NRG3: variants seen among roughly 807,000 people sequenced by gnomAD.
The protein encoded by NRG3 is pro-neuregulin-3, membrane-bound isoform.
Under a neutral mutation model 66.9 loss-of-function variants are expected in NRG3, and 31 were observed. That is an observed-to-expected ratio of 0.46 (90% CI 0.35 to 0.63). NRG3 has a LOEUF of 0.63. NRG3 is among the 20% of genes least tolerant of loss of function. The pLI is 0.00. For missense variants in NRG3, 910 were observed against 878.9 expected (o/e 1.04, Z -0.45); for synonymous variants, 393 against 359.4 (o/e 1.09, Z -1.06).
At chr10:82,067,846 C>T (rs554120820) in intron 1 of NRG3, among the ~76,000 whole-genome samples, 2 of 152,194 alleles carry the variant, frequency 1.3e-5, no homozygotes, top group South Asian at 2.1e-4. Flanking sequence ...TAGCACTTTG[C>T]GAGTTTCACT....
intron 1 of NRG3, among the ~76,000 whole-genome samples, chr10:81,965,627 C>G (rs1043272615): frequency 3.9e-5 from 6 of 152,078 alleles, no homozygotes; most frequent in South Asian, 2.1e-4. Context: ...TGTCCTTGCT[C>G]ATTATTAGAT....
At chr10:82,822,437 G>C (rs909415263) in intron 3 of NRG3, among the ~76,000 whole-genome samples, 2 of 152,102 alleles carry the variant, frequency 1.3e-5, no homozygotes, top group Non-Finnish European at 2.9e-5. Context: ...TGCCACAAAG[G>C]TCTTAATGCA....
intron 1 of NRG3, among the ~76,000 whole-genome samples, chr10:82,304,301 A>T (rs2080585528): frequency 6.6e-6 from 1 of 152,148 alleles, no homozygotes; most frequent in East Asian, 1.9e-4. Context: ...GCTGTTTCAT[A>T]ACTTTCTATT....
At chr10:82,570,545 A>G (rs636552) in intron 2 of NRG3, among the ~76,000 whole-genome samples, 12,834 of 151,606 alleles carry the variant, frequency 0.085, 631 homozygotes, top group East Asian at 0.15. Flanking sequence ...TAGTAGGTAG[A>G]CCTGTTTTTT....
intron 1 of NRG3, among the ~76,000 whole-genome samples, chr10:82,323,607 G>A (rs376488264): frequency 8.6e-5 from 13 of 151,900 alleles, no homozygotes; most frequent in African/African-American, 2.9e-4. Context: ...GGTGTTGGAG[G>A]AATGTTGGCC....
intron 1 of NRG3, among the ~76,000 whole-genome samples, chr10:81,916,746 AT>A (rs1157917326): frequency 6.6e-6 from 1 of 152,194 alleles, no homozygotes; most frequent in Non-Finnish European, 1.5e-5. Flanking sequence ...TTTGAGGCAC[AT>A]CTTTTCTTGG....
chr10:82,816,141 C>A (rs2061694306), intron 3 of NRG3, among the ~76,000 whole-genome samples: 1 of 152,238 alleles, frequency 6.6e-6, no homozygotes, highest in Admixed American at 6.5e-5. Context: ...ACGGCCACAG[C>A]TCTTCTCTCC....
intron 5 of NRG3, among the ~76,000 whole-genome samples, chr10:82,956,872 AATAG>A (rs1850099386): frequency 6.6e-6 from 1 of 152,016 alleles, no homozygotes; most frequent in Non-Finnish European, 1.5e-5. Flanking sequence ...TTAGGAAGCA[AATAG>A]ATTATTACAA....
intron 1 of NRG3, among the ~76,000 whole-genome samples, chr10:81,951,949 A>C (rs539935110): frequency 2.6e-5 from 4 of 152,184 alleles, no homozygotes; most frequent in African/African-American, 9.7e-5. Context: ...GCCATAAAAA[A>C]GGATGAGTTC....
At chr10:82,803,297 G>GA (rs1591571647) in intron 3 of NRG3, among the ~76,000 whole-genome samples, 3 of 152,230 alleles carry the variant, frequency 2.0e-5, no homozygotes, top group East Asian at 3.9e-4. Context: ...GTTTATTTTG[G>GA]AAATGTGTGG....
chr10:82,018,473 A>G (rs1241210108), intron 1 of NRG3, among the ~76,000 whole-genome samples: 1 of 152,188 alleles, frequency 6.6e-6, no homozygotes, highest in Non-Finnish European at 1.5e-5. Flanking sequence ...TCTGTGAAGA[A>G]AGTCATTGGT....
At chr10:82,387,706 A>G (rs1018963743) in intron 2 of NRG3, among the ~76,000 whole-genome samples, 1 of 152,320 alleles carries the variant, frequency 6.6e-6, no homozygotes, top group South Asian at 2.1e-4. Context: ...ATCAACTTCC[A>G]TGGCTATGAA....
Position 82,814,214 on chromosome 10 carries a change from T to C in NRG3, c.1028-51197T>C, listed in dbSNP as rs1421021111. Reference sequence around the variant, plus strand: ...GTCAGCATGTAGCTTTCCAAACAGGTCTTTTCATTGACCACTATTTGTATA... The same window carrying C: ...GTCAGCATGTAGCTTTCCAAACAGGCCTTTTCATTGACCACTATTTGTATA... On this transcript the variant is annotated intron_variant, in intron 3 of 8. Coordinates refer to ENST00000372141, the MANE Select transcript of NRG3 (RefSeq NM_001010848.4). Among the ~76,000 whole-genome samples, 3 of 152,180 alleles carry C rather than the reference T, an allele frequency of 2.0e-5. No individual in the cohort carries two copies. In the East Asian group the frequency reaches 5.8e-4, roughly 29 times the overall value.
rs766252160 is a variant in NRG3, at chr10:81,876,122, C to T, written c.782C>T (p.Ala261Val). ...ASSSSSSSSS[A>V]TTTTPETSTS... ...TCTTCTTCCTCTTCTTCCTCCTCCG[C>T]TACCACCACCACACCAGAAACTAGC... Residue 261 changes from alanine (A) to valine (V), a missense_variant, in exon 1 of 9, where the codon GCT becomes GTT. Coordinates refer to ENST00000372141, the MANE Select transcript of NRG3 (RefSeq NM_001010848.4). The T allele has an allele frequency of 1.2e-6, 2 of 1,605,866 alleles. No homozygotes were observed. The highest frequency in any genetic ancestry group is 3.4e-5 in the Admixed American group (2 of 58,716).
At chr10:82,784,572 G>A (rs1220986187) in intron 3 of NRG3, among the ~76,000 whole-genome samples, 1 of 152,122 alleles carries the variant, frequency 6.6e-6, no homozygotes, top group Non-Finnish European at 1.5e-5. Context: ...CTCAAAAGAA[G>A]ACATTTATGC....
intron 1 of NRG3, among the ~76,000 whole-genome samples, chr10:81,902,417 G>A (rs1161705350): frequency 6.6e-6 from 1 of 152,154 alleles, no homozygotes; most frequent in Non-Finnish European, 1.5e-5. Context: ...CCTTTGGGAT[G>A]TAATTAGGTC....
intron 2 of NRG3, among the ~76,000 whole-genome samples, chr10:82,394,395 C>T (rs1278102636): frequency 6.6e-6 from 1 of 152,198 alleles, no homozygotes; most frequent in African/African-American, 2.4e-5. Flanking sequence ...TGGGTAGACA[C>T]AGGAGGAACA....
intron 1 of NRG3, among the ~76,000 whole-genome samples, chr10:81,980,511 T>A (rs2060295610): frequency 6.6e-6 from 1 of 152,314 alleles, no homozygotes; most frequent in Non-Finnish European, 1.5e-5. Flanking sequence ...AGATGCTATA[T>A]TTTAAGAATG....
chr10:82,412,513 G>T (rs2088178516), intron 2 of NRG3, among the ~76,000 whole-genome samples: 1 of 152,126 alleles, frequency 6.6e-6, no homozygotes, highest in Admixed American at 6.6e-5. Context: ...TGCTGGTGGG[G>T]AGTCCTACCT....
Sources: gnomAD v4.1 joint callset for allele counts (sites outside exome capture counted in the v4.1 genomes callset) on GRCh38, gnomAD v4.1.1 for gene constraint, MANE v1.5 for transcripts, NCBI Gene and HGNC (gene_info 2026-07-23, HGNC 2026-07-21) for gene names.